CUTC: variants seen among roughly 807,000 people sequenced by gnomAD.
CUTC encodes copper homeostasis protein cutC homolog.
CUTC carries 27 observed loss-of-function variants against 36.2 expected under a neutral mutation model. That is an observed-to-expected ratio of 0.75 (90% CI 0.55 to 1.03). CUTC has a LOEUF of 1.03. Among genes scored for constraint, CUTC ranks in the 50% least tolerant of loss-of-function variants. CUTC has a pLI of 0.00. For missense variants in CUTC, 315 were observed against 343.5 expected (o/e 0.92, Z 0.66); for synonymous variants, 114 against 118.3 (o/e 0.96, Z 0.24).
At chr10:99,747,109 G>A in intron 5 of CUTC, 148 bp from the exon 6 acceptor site, 1 of 835,582 alleles carries the variant, frequency 1.2e-6, no homozygotes, top group African/African-American at 1.7e-5. Flanking sequence ...TTAACAATCT[G>A]ACTTGCAGAA....
Position 99,737,702 on chromosome 10 carries a change from A to G in CUTC, c.133+1385A>G, listed in dbSNP as rs569631587. 7.2e-5 allele frequency among the ~76,000 whole-genome samples: 11 copies of G among 152,336 alleles called. No homozygotes were observed. In the South Asian group the frequency reaches 2.3e-3, roughly 32 times the overall value. ...CAAAAACATTCTTAGTTTGCAGGCC[A>G]TAGCCAAAACAAGCTATGTGCCCAT... On this transcript the variant is annotated intron_variant, in intron 2 of 8. Coordinates refer to ENST00000370476, the MANE Select transcript of CUTC (RefSeq NM_015960.3).
intron 6 of CUTC, among the ~76,000 whole-genome samples, chr10:99,747,693 T>A (rs1363302422): frequency 6.6e-6 from 1 of 152,200 alleles, no homozygotes; most frequent in Non-Finnish European, 1.5e-5. Context: ...TTTATTTTTA[T>A]TTTTTAGTTT....
At chr10:99,738,409 T>TGTGG (rs2037314736) in intron 2 of CUTC, among the ~76,000 whole-genome samples, 1 of 151,628 alleles carries the variant, frequency 6.6e-6, no homozygotes, top group Admixed American at 6.6e-5. Context: ...TGTGTGTGTG[T>TGTGG]GTGTGTGTGT....
intron 7 of CUTC, among the ~76,000 whole-genome samples, chr10:99,751,128 A>G (rs1671952443): frequency 6.6e-6 from 1 of 152,124 alleles, no homozygotes; most frequent in South Asian, 2.1e-4. Flanking sequence ...TCTTTTTTCT[A>G]TCCTGAGGTA....
chr10:99,750,303 C>G, intron 6 of CUTC, 66 bp from the exon 7 acceptor site: 1 of 1,198,548 alleles, frequency 8.3e-7, no homozygotes, highest in Non-Finnish European at 1.2e-6. Flanking sequence ...TCTATTCTCA[C>G]TGCCTTATTA....
chr10:99,740,112 A>G (rs891350525), intron 3 of CUTC, among the ~76,000 whole-genome samples: 1 of 152,160 alleles, frequency 6.6e-6, no homozygotes, highest in Non-Finnish European at 1.5e-5. Flanking sequence ...TTTTACTCAT[A>G]CATATATCAA....
Position 99,735,070 on chromosome 10 carries a change from C to T in CUTC, c.62-1176C>T, listed in dbSNP as rs189584679. 4.0e-3 allele frequency among the ~76,000 whole-genome samples: 562 copies of T among 139,654 alleles called. 4 individuals are homozygous for T. Among genetic ancestry groups the T allele is most frequent in the Admixed American group, 6.4e-3 (86 of 13,452 alleles). The allele number at this position is 139,654 out of a possible 152,430, so 91.6% of individuals were successfully genotyped here. A position where few individuals can be genotyped will look rare whatever the true frequency, so the allele number is the denominator to read the frequency against. Reference sequence around the variant, plus strand: ...TGAGCCGAGATCATGCCACTGCACTCTAGCCTGGGCGACAGAGCAAGACTC... The same window carrying T: ...TGAGCCGAGATCATGCCACTGCACTTTAGCCTGGGCGACAGAGCAAGACTC... On this transcript the variant is annotated intron_variant, in intron 1 of 8. Transcript: ENST00000370476.
chr10:99,745,285 C>T (rs11190262), intron 5 of CUTC, among the ~76,000 whole-genome samples: 2 of 152,150 alleles, frequency 1.3e-5, no homozygotes, highest in African/African-American at 4.8e-5. Flanking sequence ...ATTTTTCTCA[C>T]TAATGTATTT....
At chr10:99,734,786 G>T (rs2037281137) in intron 1 of CUTC, among the ~76,000 whole-genome samples, 2 of 152,086 alleles carry the variant, frequency 1.3e-5, no homozygotes, top group African/African-American at 2.4e-5. Flanking sequence ...TGTGGGTGAT[G>T]ATAAAGATTT....
intron 7 of CUTC, among the ~76,000 whole-genome samples, chr10:99,751,475 C>T (rs182557824): frequency 2.0e-5 from 3 of 152,268 alleles, no homozygotes; most frequent in African/African-American, 4.8e-5. Flanking sequence ...TACAGTTGCA[C>T]GCTGCCATGC....
At chr10:99,743,447 G>A in intron 4 of CUTC, 85 bp downstream of exon 4, 2 of 1,269,514 alleles carry the variant, frequency 1.6e-6, no homozygotes, top group Non-Finnish European at 2.3e-6. Context: ...TCACAAAACT[G>A]ACTTTGCGGT....
rs138960674 is a variant in CUTC at position 99,745,969 on chromosome 10, A to C, written c.440-1288A>C. ...GGTTAATAGATTAATCCAAAATATT[A>C]GTCAGTAATGAGAATGTGAGCCAAG... On this transcript the variant is annotated intron_variant, in intron 5 of 8. Transcript: ENST00000370476. Among the ~76,000 whole-genome samples the C allele has an allele frequency of 9.2e-5, 14 of 152,358 alleles. No individual in the cohort carries two copies. In the East Asian group the frequency reaches 2.7e-3, roughly 29 times the overall value.
At chr10:99,735,051 G>A (rs537517761) in intron 1 of CUTC, among the ~76,000 whole-genome samples, 1 of 133,058 alleles carries the variant, frequency 7.5e-6, no homozygotes, top group Non-Finnish European at 1.5e-5. Context: ...GCAGTGAGCC[G>A]AGATCATGCC....
chr10:99,746,359 C>T (rs1372111794), intron 5 of CUTC, among the ~76,000 whole-genome samples: 2 of 151,870 alleles, frequency 1.3e-5, no homozygotes, highest in Non-Finnish European at 2.9e-5. Context: ...GGGGCCTTTC[C>T]GAGGGTGGAG....
chr10:99,744,818 G>A (rs551650377), intron 5 of CUTC, among the ~76,000 whole-genome samples: 49 of 152,256 alleles, frequency 3.2e-4, no homozygotes, highest in Admixed American at 7.8e-4. Context: ...GCAGTCGCAC[G>A]ATCCGGCTCA....
At chr10:99,747,460 C>G (rs2037386549) in intron 6 of CUTC, 70 bp downstream of exon 6, 3 of 1,580,724 alleles carry the variant, frequency 1.9e-6, no homozygotes, top group East Asian at 4.5e-5. Context: ...GCTGTTTAGC[C>G]AGTTTGTGAG....
chr10:99,754,461 C>A, intron 7 of CUTC, 68 bp from the exon 8 acceptor site: 1 of 1,037,250 alleles, frequency 9.6e-7, no homozygotes, highest in South Asian at 1.4e-5. Context: ...AGTAAGCAGT[C>A]GTTACTATTC....
At chr10:99,737,192 T>G (rs1244461075) in intron 2 of CUTC, among the ~76,000 whole-genome samples, 1 of 150,816 alleles carries the variant, frequency 6.6e-6, no homozygotes, top group Non-Finnish European at 1.5e-5. Flanking sequence ...ATCACTTGAG[T>G]CCAGGAGGCA....
At chr10:99,734,630 A>C (rs2037279568) in intron 1 of CUTC, among the ~76,000 whole-genome samples, 1 of 152,126 alleles carries the variant, frequency 6.6e-6, no homozygotes, top group South Asian at 2.1e-4. Context: ...TGTTTCGTTC[A>C]TTTTTTTAAA....
Sources: gnomAD v4.1 joint callset for allele counts (sites outside exome capture counted in the v4.1 genomes callset) on GRCh38, gnomAD v4.1.1 for gene constraint, MANE v1.5 for transcripts, NCBI Gene and HGNC (gene_info 2026-07-23, HGNC 2026-07-21) for gene names.